Variants in FRMD4A observed in about 807,000 individuals in gnomAD.
FRMD4A encodes FERM domain-containing protein 4A.
Under a neutral mutation model 129.1 loss-of-function variants are expected in FRMD4A, and 29 were observed. The observed-to-expected ratio is 0.22, with a 90% CI of 0.17 to 0.31. The LOEUF is 0.31. Among genes scored for constraint, FRMD4A ranks in the 10% least tolerant of loss-of-function variants. The pLI, the probability that FRMD4A is intolerant of heterozygous loss-of-function variation, is 1.00. For missense variants in FRMD4A, 1,272 were observed against 1,375.8 expected (o/e 0.92, Z 1.19); for synonymous variants, 634 against 571.6 (o/e 1.11, Z -1.56).
chr10:14,174,534 G>GTTCGTTCATTCATTCA (rs1554776897), intron 2 of FRMD4A, among the ~76,000 whole-genome samples: 2 of 150,514 alleles, frequency 1.3e-5, no homozygotes, highest in Non-Finnish European at 3.0e-5. Context: ...GCGTTTGTTC[G>GTTCGTTCATTCATTCA]TTCATTCATT....
At chr10:13,899,810 G>A (rs1280001696) in intron 2 of FRMD4A, among the ~76,000 whole-genome samples, 1 of 152,182 alleles carries the variant, frequency 6.6e-6, no homozygotes, top group East Asian at 1.9e-4. Flanking sequence ...GCGGTCACAG[G>A]CAGCATGGCC....
chr10:13,963,729 A>C (rs1588581788), intron 2 of FRMD4A, among the ~76,000 whole-genome samples: 2 of 152,316 alleles, frequency 1.3e-5, no homozygotes, highest in South Asian at 2.1e-4. Context: ...CGTAATTACA[A>C]ACCCTATTCT....
intron 2 of FRMD4A, among the ~76,000 whole-genome samples, chr10:14,221,586 C>T (rs910067801): frequency 2.2e-4 from 33 of 152,118 alleles, no homozygotes; most frequent in African/African-American, 7.7e-4. Context: ...ACTTCTTAAT[C>T]TCTTGCTCTG....
intron 2 of FRMD4A, among the ~76,000 whole-genome samples, chr10:14,227,133 C>G (rs978489160): frequency 6.6e-6 from 1 of 152,034 alleles, no homozygotes; most frequent in Non-Finnish European, 1.5e-5. Context: ...CTCTTGCACC[C>G]AGGCACTTGG....
chr10:14,071,816 C>T (rs1835332232), intron 2 of FRMD4A, among the ~76,000 whole-genome samples: 1 of 151,948 alleles, frequency 6.6e-6, no homozygotes, highest in Non-Finnish European at 1.5e-5. Context: ...AAGAATTAGA[C>T]TTGATGAGAA....
At chr10:13,746,868 A>T (rs1407751069) in intron 9 of FRMD4A, among the ~76,000 whole-genome samples, 1 of 152,202 alleles carries the variant, frequency 6.6e-6, no homozygotes, top group African/African-American at 2.4e-5. Flanking sequence ...GGCCCAAACC[A>T]CAACCTGGGA....
At chr10:14,101,150 C>A (rs571203101) in intron 2 of FRMD4A, among the ~76,000 whole-genome samples, 1 of 152,304 alleles carries the variant, frequency 6.6e-6, no homozygotes, top group African/African-American at 2.4e-5. Flanking sequence ...TATTTAAAAA[C>A]ACTTGACTTA....
At chr10:13,724,486 T>C (rs938178203) in intron 12 of FRMD4A, among the ~76,000 whole-genome samples, 8 of 152,160 alleles carry the variant, frequency 5.3e-5, no homozygotes, top group Non-Finnish European at 1.2e-4. Flanking sequence ...ACCAGATCTG[T>C]TCATAGGTTA....
intron 2 of FRMD4A, among the ~76,000 whole-genome samples, chr10:14,281,493 A>T (rs1350276022): frequency 6.6e-6 from 1 of 152,248 alleles, no homozygotes; most frequent in Non-Finnish European, 1.5e-5. Flanking sequence ...GGACTGTGAG[A>T]ACATGAATTC....
intron 7 of FRMD4A, among the ~76,000 whole-genome samples, chr10:13,761,976 A>G (rs112770867): frequency 2.0e-5 from 3 of 152,334 alleles, no homozygotes; most frequent in African/African-American, 7.2e-5. Flanking sequence ...AAATATGAAC[A>G]TGTATCTGGA....
chr10:14,230,750 C>T (rs888295049), intron 2 of FRMD4A, among the ~76,000 whole-genome samples: 1 of 152,120 alleles, frequency 6.6e-6, no homozygotes, highest in Non-Finnish European at 1.5e-5. Flanking sequence ...ACACAGTATC[C>T]GATAGGTAGC....
At chr10:14,011,886 G>T (rs2095683733) in intron 2 of FRMD4A, among the ~76,000 whole-genome samples, 1 of 152,066 alleles carries the variant, frequency 6.6e-6, no homozygotes, top group Admixed American at 6.6e-5. Flanking sequence ...GTGGGCACCT[G>T]TCATCCCAGC....
chr10:14,130,495 C>T (rs146247974), intron 2 of FRMD4A, among the ~76,000 whole-genome samples: 1,825 of 152,240 alleles, frequency 0.012, 47 homozygotes, highest in African/African-American at 0.041. Flanking sequence ...AAACAATCCT[C>T]GCACCCCGGC....
At chr10:14,035,793 C>A (rs1283314139) in intron 2 of FRMD4A, among the ~76,000 whole-genome samples, 1 of 152,180 alleles carries the variant, frequency 6.6e-6, no homozygotes, top group Non-Finnish European at 1.5e-5. Context: ...TAAAGATATG[C>A]AAGAAACACA....
intron 22 of FRMD4A, chr10:13,654,957 T>C (rs1231612021): frequency 1.2e-5 from 2 of 169,214 alleles, no homozygotes; most frequent in Non-Finnish European, 2.5e-5. Context: ...TGTTATGAAA[T>C]TGTTTCTCCC....
At chr10:14,230,591 T>C (rs1231329139) in intron 2 of FRMD4A, among the ~76,000 whole-genome samples, 6 of 152,244 alleles carry the variant, frequency 3.9e-5, no homozygotes, top group Non-Finnish European at 7.3e-5. Flanking sequence ...TCTTAATTCC[T>C]GACGAGAATT....
At chr10:14,004,572 C>T (rs1007827250) in intron 2 of FRMD4A, among the ~76,000 whole-genome samples, 1 of 152,010 alleles carries the variant, frequency 6.6e-6, no homozygotes, top group African/African-American at 2.4e-5. Flanking sequence ...AAAAAAGATA[C>T]AAGCCAAATG....
intron 2 of FRMD4A, among the ~76,000 whole-genome samples, chr10:13,859,686 C>T (rs996621137): frequency 1.3e-5 from 2 of 152,138 alleles, no homozygotes; most frequent in Admixed American, 1.3e-4. Flanking sequence ...AAGCAGATGA[C>T]CACCCACCTG....
At chr10:14,180,347 T>C (rs893122359) in intron 2 of FRMD4A, among the ~76,000 whole-genome samples, 11 of 152,236 alleles carry the variant, frequency 7.2e-5, no homozygotes, top group Non-Finnish European at 7.3e-5. Context: ...TTGTTATCCA[T>C]GCAATTTGCT....
Sources: allele counts gnomAD v4.1 joint callset (sites outside exome capture counted in the v4.1 genomes callset), GRCh38; gene constraint gnomAD v4.1.1; transcripts MANE v1.5; gene names NCBI Gene and HGNC (gene_info 2026-07-23, HGNC 2026-07-21).